The following OSMR variants were observed in gnomAD, a reference collection of about 807,000 sequenced individuals.
OSMR encodes the protein oncostatin-M-specific receptor subunit beta.
In OSMR, 81 loss-of-function variants were observed where a neutral mutation model predicts 99.9. That is an observed-to-expected ratio of 0.81 (90% CI 0.68 to 0.97). The LOEUF (loss-of-function observed/expected upper bound fraction) is 0.97. OSMR is among the 50% of genes least tolerant of loss of function. The pLI is 0.00. For missense variants in OSMR, 1,099 were observed against 1,153.4 expected, an observed-to-expected ratio of 0.95 and a Z score of 0.68; for synonymous variants, 406 against 410.4, an observed-to-expected ratio of 0.99 and a Z score of 0.13.
At position 38,918,859 on chromosome 5, in the gene OSMR, C is replaced by T. The variant is rs1746074653; in HGVS notation, c.1382C>T (p.Ala461Val). ...TTTCAGCCATTATCAAAACTGCATG[C>T]CAATGGAAAGATCCTGTTCTATAAT... Reference protein sequence around the residue: ...LFWKPLSKLHANGKILFYNVV... With the variant: ...LFWKPLSKLHVNGKILFYNVV... The change falls in exon 11 of 18, where the codon GCC (alanine) becomes GTC (valine). Residue 461 changes from alanine to valine, a missense_variant. Ala to Val is a moderately conservative substitution (Grantham distance 64, BLOSUM62 0). Transcript: ENST00000274276. 6.2e-7 allele frequency: 1 copy of T among 1,613,818 alleles called. No individual in the cohort carries two copies. The highest frequency in any genetic ancestry group is 1.3e-5 in the African/African-American group (1 of 75,004).
intron 15 of OSMR, among the ~76,000 whole-genome samples, chr5:38,930,547 C>A (rs1204910319): frequency 6.6e-6 from 1 of 152,118 alleles, no homozygotes; most frequent in Non-Finnish European, 1.5e-5. Flanking sequence ...AATAACTTAA[C>A]CCCCTAAACC....
downstream of OSMR, among the ~76,000 whole-genome samples, chr5:38,937,012 T>TGTAA (rs1747078964): frequency 6.6e-6 from 1 of 152,192 alleles, no homozygotes; most frequent in Non-Finnish European, 1.5e-5. This position sits in a 1 kb window ranked among gnomAD's most constrained non-coding sequence, Gnocchi z 4.0. Context: ...ATGATGAATT[T>TGTAA]GTAAGTATGC....
intron 15 of OSMR, among the ~76,000 whole-genome samples, chr5:38,930,678 C>T (rs926592206): frequency 6.6e-6 from 1 of 152,072 alleles, no homozygotes; most frequent in Non-Finnish European, 1.5e-5. Flanking sequence ...CAGAGAGATA[C>T]TCTCTGAAAG....
rs1745992038 is a variant in OSMR at position 38,917,723 on chromosome 5, CAACTGGGAG to C, written c.1362+102_1362+110del. The stretch of plus-strand genomic sequence containing the variant: ...AGAACTGTGGATTGGTTCAGTGTCC[CAACTGGGAG>C]GGATCTTCACATTCATCCAATAGAA... On this transcript the variant is annotated intron_variant, in intron 10 of 17. Coordinates refer to ENST00000274276, the MANE Select transcript of OSMR (RefSeq NM_003999.3). The C allele has an allele frequency of 2.8e-5, 25 of 892,782 alleles. No homozygotes were observed. In the South Asian group the frequency reaches 3.3e-4, roughly 12 times the overall value. The allele number at this position is 892,782 out of a possible 1,614,324, so 55.3% of individuals were successfully genotyped here.
In OSMR at chr5:38,855,014, C is replaced by G. The variant is rs906406610; in HGVS notation, c.-14+8627C>G. On this transcript the variant is annotated intron_variant, in intron 1 of 17. Coordinates refer to ENST00000274276, the MANE Select transcript of OSMR (RefSeq NM_003999.3). ...AGAGAGCTGGCTGCCTTTCTTGTGCCAGAAGCAGAGCTGCAGAGGAGACAC... is the reference window on the plus strand; with the variant it reads ...AGAGAGCTGGCTGCCTTTCTTGTGCGAGAAGCAGAGCTGCAGAGGAGACAC... 2.6e-5 allele frequency among the ~76,000 whole-genome samples: 4 copies of G among 152,104 alleles called. No homozygotes were observed. In the East Asian group the frequency reaches 7.7e-4, roughly 29 times the overall value.
intron 7 of OSMR, among the ~76,000 whole-genome samples, chr5:38,899,206 C>A (rs1348856367): frequency 6.6e-6 from 1 of 152,118 alleles, no homozygotes; most frequent in Non-Finnish European, 1.5e-5. Context: ...GATCCACCCA[C>A]CTCGGCCTCT....
chr5:38,917,590 C>A lies in OSMR; in HGVS notation c.1330C>A (p.Pro444Thr). The change falls in exon 10 of 18, where the codon CCA becomes ACA. Residue 444 changes from proline to threonine, a missense_variant. By Grantham distance (38) the Pro-to-Thr change is conservative (BLOSUM62 -1). Coordinates refer to ENST00000274276, the MANE Select transcript of OSMR (RefSeq NM_003999.3). ...TGTCTGGAGAATTGTGAGCTTGGAGCCAGGAAATCATACTGTGACCTTATT... is the reference window on the plus strand; with the variant it reads ...TGTCTGGAGAATTGTGAGCTTGGAGACAGGAAATCATACTGTGACCTTATT... ...PDVWRIVSLE[P>T]GNHTVTLFWK... The A allele has an allele frequency of 6.2e-7, 1 of 1,613,510 alleles. No homozygotes were observed. The highest frequency in any genetic ancestry group is 8.5e-7 in the Non-Finnish European group (1 of 1,179,520).
At chr5:38,941,139 C>G (rs1353371024) in intron 1 of OSMR, 1 of 232,744 alleles carries the variant, frequency 4.3e-6, no homozygotes, top group Non-Finnish European at 8.5e-6. Flanking sequence ...CAAACAAAAA[C>G]CTTGCCCTCA....
chr5:38,903,082 G>A (rs1744998842), intron 7 of OSMR, among the ~76,000 whole-genome samples: 1 of 152,152 alleles, frequency 6.6e-6, no homozygotes, highest in Non-Finnish European at 1.5e-5. Flanking sequence ...ATGAGCCATT[G>A]TTCTGTCAGA....
At chr5:38,876,175 T>G (rs1201130922) in intron 2 of OSMR, 26 bp from the exon 3 acceptor site, 1 of 1,599,126 alleles carries the variant, frequency 6.3e-7, no homozygotes, top group South Asian at 1.1e-5. Flanking sequence ...TAAATATTAT[T>G]TCATACTTCA....
chr5:38,893,617 A>C (rs1744300628), intron 7 of OSMR, among the ~76,000 whole-genome samples: 1 of 152,200 alleles, frequency 6.6e-6, no homozygotes. Flanking sequence ...AAACCTAGTC[A>C]GACAAAAGTA....
At chr5:38,920,727 C>T (rs1746189400) in intron 11 of OSMR, among the ~76,000 whole-genome samples, 1 of 152,142 alleles carries the variant, frequency 6.6e-6, no homozygotes, top group Non-Finnish European at 1.5e-5. Flanking sequence ...GAATTACAGA[C>T]AAACAATAAA....
chr5:38,937,214 T>C (rs141956107), downstream of OSMR, among the ~76,000 whole-genome samples: 2,891 of 152,270 alleles, frequency 0.019, 105 homozygotes, highest in African/African-American at 0.066. The surrounding 1 kb of genome is among the most constrained non-coding windows in gnomAD (Gnocchi z 4.0). Context: ...TTTGTATTTT[T>C]AGTAGAGACG....
chr5:38,847,561 C>T (rs1476564059), intron 1 of OSMR, among the ~76,000 whole-genome samples: 1 of 152,164 alleles, frequency 6.6e-6, no homozygotes, highest in African/African-American at 2.4e-5. Flanking sequence ...TTAAAATGCA[C>T]TCAGAGCCCT....
chr5:38,921,054 C>A (rs1295383764), intron 11 of OSMR, among the ~76,000 whole-genome samples: 1 of 152,000 alleles, frequency 6.6e-6, no homozygotes, highest in Non-Finnish European at 1.5e-5. Context: ...ACTGATGTTA[C>A]CGTGGGAGAA....
At chr5:38,902,913 C>G (rs948591211) in intron 7 of OSMR, among the ~76,000 whole-genome samples, 5 of 152,178 alleles carry the variant, frequency 3.3e-5, no homozygotes, top group African/African-American at 1.2e-4. Flanking sequence ...CTTCTTTCCT[C>G]CGCCACAATC....
intron 1 of OSMR, chr5:38,942,293 T>A (rs762621443): frequency 1.4e-5 from 21 of 1,539,530 alleles, no homozygotes; most frequent in Non-Finnish European, 1.9e-5. Flanking sequence ...ATATCCATCA[T>A]AAATATGAGG....
chr5:38,878,482 A>G (rs1743009517), intron 3 of OSMR, among the ~76,000 whole-genome samples: 1 of 152,080 alleles, frequency 6.6e-6, no homozygotes, highest in Non-Finnish European at 1.5e-5. Context: ...GGAACCCTGA[A>G]CTGCATGGTC....
chr5:38,869,679 C>T (rs1742228349), intron 2 of OSMR, among the ~76,000 whole-genome samples: 1 of 152,046 alleles, frequency 6.6e-6, no homozygotes, highest in Non-Finnish European at 1.5e-5. Context: ...AGCTACTCCC[C>T]AAGGGAAGAT....
Sources: allele counts gnomAD v4.1 joint callset (sites outside exome capture counted in the v4.1 genomes callset), GRCh38; gene constraint gnomAD v4.1.1; non-coding constraint Gnocchi (gnomAD v3.1); transcripts MANE v1.5; gene names NCBI Gene and HGNC (gene_info 2026-07-23, HGNC 2026-07-21).